The following ERBB4 variants were observed in gnomAD, a reference collection of about 807,000 sequenced individuals.
ERBB4 encodes receptor tyrosine-protein kinase erbB-4.
Under a neutral mutation model 158.0 loss-of-function variants are expected in ERBB4, and 42 were observed. That is an observed-to-expected ratio of 0.27 (90% CI 0.21 to 0.34). The LOEUF is 0.34. ERBB4 is among the 10% of genes least tolerant of loss of function. The probability of loss-of-function intolerance (pLI) is 1.00; values close to 1 mark genes in which losing one functional copy is unlikely to be tolerated. For missense variants in ERBB4, 1,333 were observed against 1,624.1 expected (o/e 0.82, Z 3.08); for synonymous variants, 583 against 558.7 (o/e 1.04, Z -0.61).
intron 1 of ERBB4, among the ~76,000 whole-genome samples, chr2:212,193,047 A>T (rs1333670420): frequency 6.6e-6 from 1 of 152,162 alleles, no homozygotes; most frequent in African/African-American, 2.4e-5. Flanking sequence ...AATGTTGGAA[A>T]TCTATTTTAC....
At chr2:211,607,466 T>A (rs1296617011) in intron 19 of ERBB4, among the ~76,000 whole-genome samples, 1 of 152,158 alleles carries the variant, frequency 6.6e-6, no homozygotes, top group African/African-American at 2.4e-5. Context: ...TAGATTAAAT[T>A]TGTAAGTGGA....
At chr2:211,802,237 C>T (rs370025599) in intron 3 of ERBB4, among the ~76,000 whole-genome samples, 6 of 147,794 alleles carry the variant, frequency 4.1e-5, no homozygotes, top group Admixed American at 2.0e-4. Context: ...ACGGCCTGGG[C>T]GAAAGAGCGA....
rs991074162 is a variant in ERBB4 at position 211,702,060 on chromosome 2, G to T, written c.1396C>A (p.Leu466Met). ...GNIYITDNSNLCYYHTINWTT... is the reference protein window; with the variant it reads ...GNIYITDNSNMCYYHTINWTT... ...CAGTTAATGGTATGATAATAACACA[G>T]GTTGCTGTTGTCAGTAATATAGATG... The change falls in exon 12 of 28, where the codon CTG becomes ATG. Residue 466 changes from leucine to methionine, a missense_variant. By Grantham distance (15) the Leu-to-Met change is conservative. Around this residue, in one of 5 missense-constraint regions of ERBB4, gnomAD observed 438 missense variants for 586.9 expected, o/e 0.75. Coordinates refer to ENST00000342788, the MANE Select transcript of ERBB4 (RefSeq NM_005235.3). The T allele has an allele frequency of 6.2e-7, 1 of 1,613,558 alleles. No homozygotes were observed. Among genetic ancestry groups the T allele is most frequent in the Non-Finnish European group, 8.5e-7 (1 of 1,179,508 alleles).
At chr2:212,441,586 G>A (rs926779797) in intron 1 of ERBB4, among the ~76,000 whole-genome samples, 5 of 152,152 alleles carry the variant, frequency 3.3e-5, no homozygotes, top group African/African-American at 9.7e-5. Flanking sequence ...TGGATATTAA[G>A]GGAATGGGAT....
intron 1 of ERBB4, among the ~76,000 whole-genome samples, chr2:212,381,767 AT>A (rs1377457317): frequency 1.3e-5 from 2 of 151,534 alleles, no homozygotes; most frequent in East Asian, 3.9e-4. Context: ...AATGCATTAT[AT>A]ACCCTCACAG....
At chr2:212,162,313 T>C (rs942003677) in intron 1 of ERBB4, among the ~76,000 whole-genome samples, 1 of 151,900 alleles carries the variant, frequency 6.6e-6, no homozygotes, top group Non-Finnish European at 1.5e-5. Flanking sequence ...AAAAGTCTTA[T>C]ATACAAGTAT....
chr2:211,619,469 A>T (rs888591311), intron 18 of ERBB4, among the ~76,000 whole-genome samples, 194 bp from the exon 19 acceptor site: 3 of 152,118 alleles, frequency 2.0e-5, no homozygotes, highest in African/African-American at 7.2e-5. Flanking sequence ...ATGATTACAT[A>T]TATAGAATAT....
At chr2:212,133,801 CT>C (rs2080185361) in intron 1 of ERBB4, among the ~76,000 whole-genome samples, 1 of 152,044 alleles carries the variant, frequency 6.6e-6, no homozygotes, top group African/African-American at 2.4e-5. Flanking sequence ...CCTACAAAAC[CT>C]TTTTAAAAAT....
intron 1 of ERBB4, among the ~76,000 whole-genome samples, chr2:212,275,766 C>G (rs1226256072): frequency 6.6e-6 from 1 of 151,790 alleles, no homozygotes; most frequent in East Asian, 1.9e-4. Context: ...GAAACTGCAT[C>G]AACTAACAGG....
At chr2:211,905,699 TG>T (rs2079368276) in intron 3 of ERBB4, among the ~76,000 whole-genome samples, 1 of 131,454 alleles carries the variant, frequency 7.6e-6, no homozygotes, top group South Asian at 2.5e-4. Context: ...TATATGTGTG[TG>T]TATGTGTGTG....
intron 1 of ERBB4, among the ~76,000 whole-genome samples, chr2:212,205,229 C>G (rs778154141): frequency 2.6e-4 from 39 of 152,194 alleles, no homozygotes; most frequent in Non-Finnish European, 5.0e-4. Context: ...GGCACGATCT[C>G]TGCTCACTGA....
chr2:211,495,680 A>G (rs1428526362), intron 20 of ERBB4, among the ~76,000 whole-genome samples: 1 of 152,146 alleles, frequency 6.6e-6, no homozygotes, highest in African/African-American at 2.4e-5. Flanking sequence ...AAGACAACGC[A>G]AATAAAGTAC....
chr2:211,912,291 G>C (rs2079559382), intron 3 of ERBB4, among the ~76,000 whole-genome samples: 1 of 152,100 alleles, frequency 6.6e-6, no homozygotes, highest in African/African-American at 2.4e-5. Context: ...GCTTCCATTT[G>C]GAAGAGGATG....
rs377159914 is a variant in ERBB4 at position 211,420,472 on chromosome 2, T to G, written c.3104A>C (p.Tyr1035Ser). The G allele has an allele frequency of 6.2e-7, 1 of 1,612,286 alleles. No individual in the cohort carries two copies. Among genetic ancestry groups the G allele is most frequent in the Non-Finnish European group, 8.5e-7 (1 of 1,178,752 alleles). Residue 1035 changes from tyrosine to serine, a missense_variant, in exon 25 of 28, where the codon TAT becomes TCT. By Grantham distance (144) the Tyr-to-Ser change is moderately radical. This residue lies in a region of ERBB4 where 252 missense variants were observed against 241.3 expected (regional missense o/e 1.04). Coordinates refer to ENST00000342788, the MANE Select transcript of ERBB4 (RefSeq NM_005235.3). ...PQAFNIPPPI[Y>S]TSRARIDSNR... ...CGAGTCAATTCTTGCTCTGGAAGTA[T>G]AGATGGGAGGTGGGATGTTGAAAGC...
Position 211,388,084 on chromosome 2 carries a change from G to A in ERBB4, c.3136-92C>T, listed in dbSNP as rs934607. 0.62 allele frequency: 588,363 copies of A among 941,572 alleles called. 187,041 individuals carry two copies. The highest frequency in any genetic ancestry group is 0.75 in the East Asian group (31,538 of 41,788). 58.3% of individuals were successfully genotyped at this position (941,572 alleles called of 1,614,324 possible). A position where few individuals can be genotyped will look rare whatever the true frequency, so the allele number is the denominator to read the frequency against. On this transcript the variant is annotated intron_variant, in intron 25 of 27. Transcript: ENST00000342788. ...AGAAACGAAAAAGAAAAGCCACATG[G>A]GTCGTATGAACCAAAGGGGAAAAAG...
At chr2:211,922,876 A>G (rs10172563) in intron 3 of ERBB4, among the ~76,000 whole-genome samples, 2,365 of 152,256 alleles carry the variant, frequency 0.016, 36 homozygotes, top group Non-Finnish European at 0.024. Context: ...TGCAAGGTAT[A>G]TTCTGTTTAG....
chr2:212,142,632 A>G (rs1183231269), intron 1 of ERBB4, among the ~76,000 whole-genome samples: 1 of 148,146 alleles, frequency 6.8e-6, no homozygotes, highest in Non-Finnish European at 1.5e-5. Flanking sequence ...ATATATATAA[A>G]TATTATCCTC....
intron 3 of ERBB4, among the ~76,000 whole-genome samples, chr2:211,883,603 G>T (rs965902551): frequency 1.3e-5 from 2 of 151,870 alleles, no homozygotes; most frequent in African/African-American, 2.4e-5. Context: ...CACGGTTGGT[G>T]AAAGAAACCC....
intron 20 of ERBB4, among the ~76,000 whole-genome samples, chr2:211,536,599 G>T (rs1367707915): frequency 6.6e-6 from 1 of 151,956 alleles, no homozygotes; most frequent in African/African-American, 2.4e-5. Context: ...ATATCCCAAA[G>T]AAAAGGGAGA....
Sources: gnomAD v4.1 joint callset for allele counts (sites outside exome capture counted in the v4.1 genomes callset) on GRCh38, gnomAD v4.1.1 for gene constraint, gnomAD v4.1.1 regional missense constraint, MANE v1.5 for transcripts, NCBI Gene and HGNC (gene_info 2026-07-23, HGNC 2026-07-21) for gene names.